Variants in TTC7B observed in about 807,000 individuals in gnomAD.
TTC7B encodes tetratricopeptide repeat protein 7B.
TTC7B carries 28 observed loss-of-function variants against 106.8 expected under a neutral mutation model. That is an observed-to-expected ratio of 0.26 (90% CI 0.19 to 0.36). TTC7B has a LOEUF of 0.36. TTC7B is among the 10% of genes least tolerant of loss of function. The probability of loss-of-function intolerance (pLI) is 1.00; values close to 1 mark genes in which losing one functional copy is unlikely to be tolerated. For synonymous variants in TTC7B, 405 were observed against 430.6 expected, an observed-to-expected ratio of 0.94 and a Z score of 0.74; for missense variants, 862 against 1,076.4, an observed-to-expected ratio of 0.80 and a Z score of 2.79.
At chr14:90,681,249 TC>T (rs1887036766) in intron 7 of TTC7B, among the ~76,000 whole-genome samples, 1 of 152,222 alleles carries the variant, frequency 6.6e-6, no homozygotes, top group Non-Finnish European at 1.5e-5. Flanking sequence ...GCATTTTTTC[TC>T]CTGTTCTAAA....
chr14:90,644,010 T>C, intron 15 of TTC7B, 38 bp downstream of exon 15: 1 of 1,613,470 alleles, frequency 6.2e-7, no homozygotes, highest in East Asian at 2.2e-5. Flanking sequence ...ATTTAATAAC[T>C]TCTGAGTAAG....
chr14:90,640,368 A>G (rs1411111873), intron 15 of TTC7B, among the ~76,000 whole-genome samples: 1 of 152,178 alleles, frequency 6.6e-6, no homozygotes, highest in African/African-American at 2.4e-5. Context: ...ATGGTCATTA[A>G]CCTGTCAGGT....
rs1308236883 is a variant in TTC7B, at chr14:90,528,341, C to T, written c.*13027G>A. 1.3e-5 allele frequency: 2 copies of T among 152,328 alleles called. No homozygotes were observed. The highest frequency in any genetic ancestry group is 6.5e-5 in the Admixed American group (1 of 15,280). 9.4% of individuals were successfully genotyped at this position (152,328 alleles called of 1,614,324 possible). A position where few individuals can be genotyped will look rare whatever the true frequency, so the allele number is the denominator to read the frequency against. ...CACATTGTGAGTGGACACTTTCACA[C>T]TCTGCAGGTGACCACGCAAAGTGGT... On this transcript the variant is annotated 3_prime_UTR_variant, in exon 20 of 20. Transcript: ENST00000328459.
chr14:90,659,237 G>C (rs995037019), intron 9 of TTC7B, among the ~76,000 whole-genome samples: 3 of 151,708 alleles, frequency 2.0e-5, no homozygotes, highest in African/African-American at 4.8e-5. Flanking sequence ...GTGTGAGAGA[G>C]AGAGAGTGTG....
chr14:90,627,188 G>A (rs576572612), intron 15 of TTC7B, among the ~76,000 whole-genome samples: 3 of 152,062 alleles, frequency 2.0e-5, no homozygotes, highest in South Asian at 4.2e-4. Flanking sequence ...GTCTCATTAT[G>A]TTGCCCAGCC....
chr14:90,610,943 G>T, intron 16 of TTC7B, 104 bp from the exon 17 acceptor site: 7 of 812,758 alleles, frequency 8.6e-6, no homozygotes, highest in Non-Finnish European at 1.3e-5. Flanking sequence ...TACTTTCTGT[G>T]CATTTTTTAC....
At chr14:90,664,622 G>A (rs895527487) in intron 9 of TTC7B, among the ~76,000 whole-genome samples, 2 of 152,170 alleles carry the variant, frequency 1.3e-5, no homozygotes, top group African/African-American at 2.4e-5. Context: ...TGATGAAAAC[G>A]GACTTTTCAG....
intron 5 of TTC7B, among the ~76,000 whole-genome samples, chr14:90,717,294 G>A (rs529476055): frequency 3.3e-5 from 5 of 150,296 alleles, no homozygotes; most frequent in Admixed American, 6.6e-5. Flanking sequence ...AGCTGAGATC[G>A]CACCCCTGCA....
intron 1 of TTC7B, among the ~76,000 whole-genome samples, chr14:90,787,367 A>G (rs1181244042): frequency 6.6e-6 from 1 of 152,218 alleles, no homozygotes; most frequent in Non-Finnish European, 1.5e-5. Context: ...CAGCCTAAGC[A>G]TGGTCTATTT....
At chr14:90,682,544 GA>G (rs538606183) in intron 7 of TTC7B, among the ~76,000 whole-genome samples, 120 of 152,344 alleles carry the variant, frequency 7.9e-4, no homozygotes, top group African/African-American at 2.8e-3. Flanking sequence ...GGGAAGCATG[GA>G]TGGAGCTCAG....
chr14:90,698,802 G>A (rs993022903), intron 5 of TTC7B: 6 of 157,706 alleles, frequency 3.8e-5, no homozygotes, highest in Non-Finnish European at 7.0e-5. Context: ...CTCTGCTTCC[G>A]CTCACCAACA....
Position 90,646,558 on chromosome 14 carries a change from G to A in TTC7B, c.1590+393C>T, listed in dbSNP as rs1056073909. Among the ~76,000 whole-genome samples, 10 of 152,134 alleles carry A rather than the reference G, an allele frequency of 6.6e-5. No individual in the cohort carries two copies. The East Asian group carries it at 7.7e-4, about 12-fold the overall frequency. On this transcript the variant is annotated intron_variant, in intron 14 of 19. Coordinates refer to ENST00000328459, the MANE Select transcript of TTC7B (RefSeq NM_001010854.2). ...AATGACACCCTTATGACAACCAGAC[G>A]CCAATCAGGGCTAAATCCCCACCAT...
intron 14 of TTC7B, chr14:90,646,686 G>A (rs1291154022): frequency 2.2e-6 from 1 of 462,270 alleles, no homozygotes; most frequent in African/African-American, 2.0e-5. Context: ...TGCTCCCCAG[G>A]TTGCCATCTG....
At chr14:90,701,036 A>G (rs1034027832) in intron 5 of TTC7B, among the ~76,000 whole-genome samples, 1 of 151,908 alleles carries the variant, frequency 6.6e-6, no homozygotes, top group Non-Finnish European at 1.5e-5. Context: ...ATTTGTGAAG[A>G]CAGATGGCTT....
intron 1 of TTC7B, among the ~76,000 whole-genome samples, chr14:90,799,197 T>G (rs2030086543): frequency 6.6e-6 from 1 of 152,194 alleles, no homozygotes; most frequent in Admixed American, 6.5e-5. Flanking sequence ...GGACATGTCA[T>G]GCCTCCCTCC....
intron 5 of TTC7B, among the ~76,000 whole-genome samples, chr14:90,722,338 A>G (rs1276988475): frequency 6.6e-6 from 1 of 152,152 alleles, no homozygotes; most frequent in Non-Finnish European, 1.5e-5. Context: ...CCAAAAACCA[A>G]GTAAAATGAA....
At chr14:90,741,979 C>T (rs978095580) in intron 4 of TTC7B, among the ~76,000 whole-genome samples, 18 of 152,186 alleles carry the variant, frequency 1.2e-4, no homozygotes, top group Non-Finnish European at 2.4e-4. Flanking sequence ...ATTTGAAAAT[C>T]GTGTACCTAC....
chr14:90,815,582 G>T (rs1010599859), intron 1 of TTC7B, among the ~76,000 whole-genome samples: 1 of 151,900 alleles, frequency 6.6e-6, no homozygotes, highest in Non-Finnish European at 1.5e-5. Flanking sequence ...CAGCCTTGAT[G>T]CTACTTCTCC....
At chr14:90,740,959 G>C (rs1383472707) in intron 4 of TTC7B, among the ~76,000 whole-genome samples, 1 of 152,202 alleles carries the variant, frequency 6.6e-6, no homozygotes, top group Non-Finnish European at 1.5e-5. Flanking sequence ...ACAATGTGCT[G>C]GGAGGCACAT....
Sources: gnomAD v4.1 joint callset for allele counts (sites outside exome capture counted in the v4.1 genomes callset) on GRCh38, gnomAD v4.1.1 for gene constraint, MANE v1.5 for transcripts, NCBI Gene and HGNC (gene_info 2026-07-23, HGNC 2026-07-21) for gene names.